FAM83F: variants seen among roughly 807,000 people sequenced by gnomAD.
The protein encoded by FAM83F is protein FAM83F.
FAM83F carries 45 observed loss-of-function variants against 42.9 expected under a neutral mutation model. The ratio of observed to expected loss-of-function variants is 1.05; its 90% CI spans 0.83 to 1.35. FAM83F has a LOEUF of 1.35. Among genes scored for constraint, FAM83F ranks in the 40% most tolerant of loss-of-function variants. FAM83F has a pLI of 0.00. For synonymous variants in FAM83F, 306 were observed against 298.3 expected, an observed-to-expected ratio of 1.03 and a Z score of -0.27; for missense variants, 617 against 695.9, an observed-to-expected ratio of 0.89 and a Z score of 1.28.
At chr22:40,028,898 G>C (rs969988345) in intron 4 of FAM83F, among the ~76,000 whole-genome samples, 1 of 152,242 alleles carries the variant, frequency 6.6e-6, no homozygotes, top group Non-Finnish European at 1.5e-5. Context: ...GGCGGAAGGA[G>C]CTGGAACTGG....
At chr22:40,007,269 T>TCCTC (rs2067434958) in intron 1 of FAM83F, among the ~76,000 whole-genome samples, 1 of 78,048 alleles carries the variant, frequency 1.3e-5, no homozygotes, top group African/African-American at 4.9e-5. Context: ...TTCCTCCTCC[T>TCCTC]CTCTTCCTCC....
chr22:40,002,050 C>T (rs1165326401), intron 1 of FAM83F, among the ~76,000 whole-genome samples: 9 of 152,166 alleles, frequency 5.9e-5, no homozygotes, highest in Non-Finnish European at 8.8e-5. Context: ...GAGCTGCCTT[C>T]GGGAGGCTGT....
chr22:40,000,746 T>C (rs1267855625), intron 1 of FAM83F, among the ~76,000 whole-genome samples: 1 of 152,182 alleles, frequency 6.6e-6, no homozygotes, highest in Non-Finnish European at 1.5e-5. Flanking sequence ...TTGCTCCTAA[T>C]ACCTTCCTGC....
chr22:40,014,126 C>CTTTTTTTTT (rs1555967942), intron 1 of FAM83F, among the ~76,000 whole-genome samples: 1 of 81,088 alleles, frequency 1.2e-5, no homozygotes, highest in South Asian at 4.3e-4. Flanking sequence ...TCTCTTATTT[C>CTTTTTTTTT]TTTTCTTTTT....
Position 40,039,921 on chromosome 22 carries a change from G to A in FAM83F, c.*10356G>A, listed in dbSNP as rs1463397557. ...CAGTAGAGTTAGGGCTAGAAGCCAG[G>A]TTCAGAGAGAGAAAACGAGAGAGCA... On this transcript the variant is annotated 3_prime_UTR_variant, in exon 5 of 5. Coordinates refer to ENST00000333407, the MANE Select transcript of FAM83F (RefSeq NM_138435.4). 1 of 152,276 alleles carries A rather than the reference G, an allele frequency of 6.6e-6. No homozygotes were observed. Among genetic ancestry groups the A allele is most frequent in the Non-Finnish European group, 1.5e-5 (1 of 68,064 alleles). The allele number at this position is 152,276 out of a possible 1,614,324, so 9.4% of individuals were successfully genotyped here.
chr22:40,006,176 G>A (rs2067427417), intron 1 of FAM83F, among the ~76,000 whole-genome samples: 1 of 151,952 alleles, frequency 6.6e-6, no homozygotes, highest in African/African-American at 2.4e-5. Flanking sequence ...GGAGGCAGAG[G>A]TTGTAGTAAG....
intron 4 of FAM83F, among the ~76,000 whole-genome samples, chr22:40,029,085 G>A (rs1053997011): frequency 6.9e-4 from 8 of 11,564 alleles, no homozygotes; most frequent in African/African-American, 2.6e-3. Flanking sequence ...CTAGACGTGT[G>A]TGTGTGTGTG....
At chr22:40,022,622 G>A (rs762098949) in intron 4 of FAM83F, among the ~76,000 whole-genome samples, 50 of 152,224 alleles carry the variant, frequency 3.3e-4, no homozygotes, top group South Asian at 1.0e-3. Flanking sequence ...GTCTTTCTGG[G>A]CATCTCTCTG....
chr22:40,015,819 T>C (rs2067489731), intron 1 of FAM83F, among the ~76,000 whole-genome samples: 1 of 152,220 alleles, frequency 6.6e-6, no homozygotes, highest in African/African-American at 2.4e-5. Context: ...ATTTATCTCA[T>C]GTCTTAGTTA....
In FAM83F at chr22:40,038,409, T is replaced by C. The variant is rs528880129; in HGVS notation, c.*8844T>C. The C allele has an allele frequency of 1.2e-4, 18 of 152,364 alleles. No homozygotes were observed. The highest frequency in any genetic ancestry group is 2.4e-4 in the Non-Finnish European group (16 of 68,050). 9.4% of individuals were successfully genotyped at this position (152,364 alleles called of 1,614,324 possible). A position where few individuals can be genotyped will look rare whatever the true frequency, so the allele number is the denominator to read the frequency against. On this transcript the variant is annotated 3_prime_UTR_variant, in exon 5 of 5. Transcript: ENST00000333407. The stretch of plus-strand genomic sequence containing the variant: ...ATCGAGGACACAGTGAAGACTCAGA[T>C]AACTCAAATATAGGTTTTGCCCGCA...
intron 1 of FAM83F, chr22:39,997,833 G>T (rs994666097): frequency 6.6e-6 from 1 of 152,258 alleles, no homozygotes. Context: ...GACACTGTCT[G>T]CGCCCACCCA....
chr22:40,026,585 C>T (rs2067554259), intron 4 of FAM83F, among the ~76,000 whole-genome samples: 1 of 152,170 alleles, frequency 6.6e-6, no homozygotes. Context: ...AGAGGACCAG[C>T]CCTTTCCCAC....
At chr22:40,001,034 G>C (rs2067398548) in intron 1 of FAM83F, among the ~76,000 whole-genome samples, 1 of 152,202 alleles carries the variant, frequency 6.6e-6, no homozygotes, top group South Asian at 2.1e-4. Context: ...TGCAGCTCCA[G>C]AGAATAAGCA....
At chr22:39,996,426 T>C (rs1438128355) in intron 1 of FAM83F, among the ~76,000 whole-genome samples, 1 of 152,238 alleles carries the variant, frequency 6.6e-6, no homozygotes, top group Non-Finnish European at 1.5e-5. Context: ...ACATGAGACG[T>C]ACTGATACTG....
At chr22:40,025,717 A>G (rs2067548087) in intron 4 of FAM83F, among the ~76,000 whole-genome samples, 1 of 152,204 alleles carries the variant, frequency 6.6e-6, no homozygotes, top group African/African-American at 2.4e-5. Flanking sequence ...TAATAATAAT[A>G]GAATTTTTAA....
intron 2 of FAM83F, 100 bp downstream of exon 2, chr22:40,019,435 C>T: frequency 9.2e-7 from 1 of 1,087,918 alleles, no homozygotes; most frequent in African/African-American, 1.6e-5. Flanking sequence ...TGAATGGGGG[C>T]TCAGGCGAAC....
Position 40,020,879 on chromosome 22 carries a change from T to C in FAM83F, c.780-411T>C, listed in dbSNP as rs561976775. Among the ~76,000 whole-genome samples, 5 of 152,290 alleles carry C rather than the reference T, an allele frequency of 3.3e-5. No individual in the cohort carries two copies. In the South Asian group the frequency reaches 1.0e-3, roughly 32 times the overall value. On this transcript the variant is annotated intron_variant, in intron 3 of 4. Transcript: ENST00000333407. The stretch of plus-strand genomic sequence containing the variant: ...GAACCAATACAGAGTAGAATAATAT[T>C]CATAATAGTGGCAGCTGCAGTTACT...
At position 40,034,487 on chromosome 22, in the gene FAM83F, G is replaced by C. The variant is rs529979577; in HGVS notation, c.*4922G>C. ...TGGACTTCTCGCCCTTCCCCTTGCA[G>C]CTTCTGCTCTCCCAGCTAGGGACTG... On this transcript the variant is annotated 3_prime_UTR_variant, in exon 5 of 5. Coordinates refer to ENST00000333407, the MANE Select transcript of FAM83F (RefSeq NM_138435.4). 2.6e-5 allele frequency: 4 copies of C among 152,452 alleles called. No individual in the cohort carries two copies. In the South Asian group the frequency reaches 8.3e-4, roughly 32 times the overall value. The allele number at this position is 152,452 out of a possible 1,614,324, so 9.4% of individuals were successfully genotyped here.
At chr22:40,012,917 CAAA>C (rs141904019) in intron 1 of FAM83F, among the ~76,000 whole-genome samples, 1 of 109,668 alleles carries the variant, frequency 9.1e-6, no homozygotes, top group Non-Finnish European at 1.9e-5. Context: ...ACTAAAAATA[CAAA>C]AAAAAAAAAA....
Sources: allele counts gnomAD v4.1 joint callset (sites outside exome capture counted in the v4.1 genomes callset), GRCh38; gene constraint gnomAD v4.1.1; transcripts MANE v1.5; gene names NCBI Gene and HGNC (gene_info 2026-07-23, HGNC 2026-07-21).